The following TMEM209 variants were observed in gnomAD, a reference collection of about 807,000 sequenced individuals.
TMEM209 encodes the protein testicular tissue protein Li 202.
In TMEM209, 65 loss-of-function variants were observed where a neutral mutation model predicts 76.2. That is an observed-to-expected ratio of 0.85 (90% CI 0.70 to 1.05). The LOEUF (loss-of-function observed/expected upper bound fraction) is 1.05. Among genes scored for constraint, TMEM209 ranks in the 50% least tolerant of loss-of-function variants. The pLI is 0.00. For synonymous variants in TMEM209, 239 were observed against 237.6 expected, an observed-to-expected ratio of 1.01 and a Z score of -0.06; for missense variants, 623 against 685.5, an observed-to-expected ratio of 0.91 and a Z score of 1.02.
At position 130,173,066 on chromosome 7, in the gene TMEM209, G is replaced by A. The variant is rs1164568344; in HGVS notation, c.1557+566C>T. The stretch of plus-strand genomic sequence containing the variant: ...ATAGTATGGAAAATTATGTTATAAA[G>A]CTAATATTTAAAAGCAGATATAAAA... On this transcript the variant is annotated intron_variant, in intron 13 of 14. Transcript: ENST00000397622. Among the ~76,000 whole-genome samples the A allele has an allele frequency of 1.4e-5, 2 of 147,100 alleles. 1 individual carries two copies. The highest frequency in any genetic ancestry group is 4.3e-4 in the South Asian group (2 of 4,654).
chr7:130,199,125 G>A (rs1798097030), intron 5 of TMEM209, among the ~76,000 whole-genome samples: 1 of 152,048 alleles, frequency 6.6e-6, no homozygotes, highest in Non-Finnish European at 1.5e-5. Context: ...ATGACCTTTT[G>A]TCTCATATAA....
chr7:130,166,476 T>G lies in TMEM209; in HGVS notation c.1661A>C (p.Asn554Thr). ...GRVNLGLSGVNILWIFGE is the reference protein window; with the variant it reads ...GRVNLGLSGVTILWIFGE ...CTACTCGCCAAAGATCCACAATATA[T>G]TCACACCAGATAGACCAAGATTAAC... is the stretch of plus-strand genomic sequence containing the variant. Residue 554 changes from asparagine to threonine, a missense_variant, in exon 15 of 15, where the codon AAT becomes ACT. Physicochemically the swap from Asn to Thr is moderately conservative, Grantham distance 65 (BLOSUM62 0). Coordinates refer to ENST00000397622, the MANE Select transcript of TMEM209 (RefSeq NM_032842.4). 6.5e-7 allele frequency: 1 copy of G among 1,545,758 alleles called. No individual in the cohort carries two copies. Among genetic ancestry groups the G allele is most frequent in the South Asian group, 1.2e-5 (1 of 82,560 alleles).
chr7:130,189,669 C>T (rs1797727173), intron 6 of TMEM209, among the ~76,000 whole-genome samples: 1 of 151,990 alleles, frequency 6.6e-6, no homozygotes, highest in Non-Finnish European at 1.5e-5. Flanking sequence ...GTTACAAATA[C>T]GAAAAGTGGG....
In TMEM209 at chr7:130,185,265, A is replaced by G; in HGVS notation, c.878T>C (p.Leu293Pro). The G allele has an allele frequency of 1.9e-6, 3 of 1,614,036 alleles. No homozygotes were observed. Among genetic ancestry groups the G allele is most frequent in the Non-Finnish European group, 2.5e-6 (3 of 1,179,896 alleles). The change falls in exon 7 of 15, where the codon CTT becomes CCT. Residue 293 changes from leucine (L) to proline (P), a missense_variant. Coordinates refer to ENST00000397622, the MANE Select transcript of TMEM209 (RefSeq NM_032842.4). ...AQTLKKFQYQ[L>P]ACRSQAPCAN... Reference sequence around the variant, plus strand: ...ACATGGGGCCTGAGACCTACAGGCAAGCTGATACTGAAACTTCTTTAAAGT... The same window carrying G: ...ACATGGGGCCTGAGACCTACAGGCAGGCTGATACTGAAACTTCTTTAAAGT...
chr7:130,170,577 C>A, intron 13 of TMEM209, 104 bp from the exon 14 acceptor site: 2 of 875,160 alleles, frequency 2.3e-6, no homozygotes, highest in South Asian at 1.7e-5. Context: ...ACTCAGAATT[C>A]CATATAATTC....
At chr7:130,170,272 G>A in intron 14 of TMEM209, 128 bp downstream of exon 14, 2 of 746,030 alleles carry the variant, frequency 2.7e-6, no homozygotes, top group Non-Finnish European at 4.3e-6. Flanking sequence ...GTCTGTGACA[G>A]GGCTGAAGCC....
Position 130,202,670 on chromosome 7 carries a change from G to C in TMEM209, c.200-7C>G. The C allele has an allele frequency of 6.2e-7, 1 of 1,609,476 alleles. No homozygotes were observed. On this transcript the variant is annotated splice_polypyrimidine_tract_variant and splice_region_variant and intron_variant, in intron 3 of 14. Coordinates refer to ENST00000397622, the MANE Select transcript of TMEM209 (RefSeq NM_032842.4). The stretch of plus-strand genomic sequence containing the variant: ...AGAGATGCAAGGGCAAGCTCTGGAA[G>C]AGAACAATTTTTTTTTAATAAGGGG...
chr7:130,178,927 T>C (rs2116986641), intron 9 of TMEM209, among the ~76,000 whole-genome samples: 1 of 152,108 alleles, frequency 6.6e-6, no homozygotes, highest in African/African-American at 2.4e-5. Flanking sequence ...TACAGGCACA[T>C]GCCACCACAC....
intron 13 of TMEM209, 147 bp downstream of exon 13, chr7:130,173,485 T>C: frequency 1.7e-6 from 1 of 581,796 alleles, no homozygotes; most frequent in East Asian, 3.0e-5. Context: ...CATATTACTT[T>C]TATAGTAAGA....
chr7:130,192,864 T>G, intron 5 of TMEM209, 41 bp from the exon 6 acceptor site: 2 of 1,577,426 alleles, frequency 1.3e-6, no homozygotes, highest in Non-Finnish European at 1.7e-6. Context: ...TTTCTTTAAT[T>G]GAAATTCATT....
intron 5 of TMEM209, among the ~76,000 whole-genome samples, chr7:130,200,705 TATTA>T (rs1798159009): frequency 6.6e-6 from 1 of 152,192 alleles, no homozygotes; most frequent in Non-Finnish European, 1.5e-5. Flanking sequence ...ACCTATGAGT[TATTA>T]ATTTTCACTA....
At chr7:130,191,225 G>A (rs1420032550) in intron 6 of TMEM209, among the ~76,000 whole-genome samples, 1 of 151,182 alleles carries the variant, frequency 6.6e-6, no homozygotes, top group Non-Finnish European at 1.5e-5. Flanking sequence ...AAAAGCCTAA[G>A]AGATAAAGAT....
intron 6 of TMEM209, among the ~76,000 whole-genome samples, chr7:130,189,718 A>G (rs1314316743): frequency 1.3e-5 from 2 of 152,250 alleles, no homozygotes; most frequent in Non-Finnish European, 2.9e-5. Flanking sequence ...TGGAACTAGA[A>G]GTAACATTAT....
At chr7:130,198,461 A>T (rs948523242) in intron 5 of TMEM209, among the ~76,000 whole-genome samples, 6 of 152,154 alleles carry the variant, frequency 3.9e-5, no homozygotes, top group Admixed American at 6.5e-5. Context: ...AAATAAAAAA[A>T]TTAGCTGGGC....
At chr7:130,184,349 ACTTTG>A in intron 7 of TMEM209, 94 bp from the exon 8 acceptor site, 1 of 951,120 alleles carries the variant, frequency 1.1e-6, no homozygotes, top group African/African-American at 1.7e-5. Context: ...TATTTAATGA[ACTTTG>A]AAAAAAAATT....
At chr7:130,179,247 GA>G (rs1797335475) in intron 9 of TMEM209, among the ~76,000 whole-genome samples, 1 of 152,060 alleles carries the variant, frequency 6.6e-6, no homozygotes, top group Admixed American at 6.6e-5. Context: ...AGGAATAAAT[GA>G]AAGAAAGCAT....
At chr7:130,204,922 T>G in intron 1 of TMEM209, 1 of 1,050,928 alleles carries the variant, frequency 9.5e-7, no homozygotes, top group Non-Finnish European at 1.2e-6. Flanking sequence ...CTCCCTTTTG[T>G]GTGTGGATAA....
At chr7:130,187,120 G>C (rs1797626332) in intron 6 of TMEM209, among the ~76,000 whole-genome samples, 2 of 151,846 alleles carry the variant, frequency 1.3e-5, no homozygotes, top group African/African-American at 4.8e-5. Flanking sequence ...GTGCATGCCT[G>C]TAATCCCAGC....
intron 7 of TMEM209, 98 bp downstream of exon 7, chr7:130,185,094 A>G (rs1200477594): frequency 7.4e-6 from 10 of 1,358,640 alleles, no homozygotes; most frequent in Non-Finnish European, 9.9e-6. Flanking sequence ...ATTTCTGTCC[A>G]ACAGAATGGA....
Sources: allele counts gnomAD v4.1 joint callset (sites outside exome capture counted in the v4.1 genomes callset), GRCh38; gene constraint gnomAD v4.1.1; transcripts MANE v1.5; gene names NCBI Gene and HGNC (gene_info 2026-07-23, HGNC 2026-07-21).